The following CACNA2D1 variants were observed in gnomAD, a reference collection of about 807,000 sequenced individuals.
CACNA2D1 encodes the protein voltage-dependent calcium channel subunit alpha-2/delta-1.
A neutral mutation model predicts 171.5 loss-of-function variants in CACNA2D1; 53 were observed. That is an observed-to-expected ratio of 0.31 (90% CI 0.25 to 0.39). The LOEUF is 0.39. Among genes scored for constraint, CACNA2D1 ranks in the 10% least tolerant of loss-of-function variants. CACNA2D1 has a pLI of 1.00. For missense variants in CACNA2D1, 903 were observed against 1,299.8 expected (o/e 0.69, Z 4.69); for synonymous variants, 442 against 443.1 (o/e 1.00, Z 0.03).
At chr7:82,357,861 TA>T (rs58172656) in intron 1 of CACNA2D1, among the ~76,000 whole-genome samples, 3,402 of 118,016 alleles carry the variant, frequency 0.029, 91 homozygotes, top group African/African-American at 0.081. Flanking sequence ...TAAAGTATAA[TA>T]AAAAAAAAAA....
Position 82,067,048 on chromosome 7 carries a change from A to T in CACNA2D1, c.659-524T>A, listed in dbSNP as rs187931297. Among the ~76,000 whole-genome samples, 556 of 152,270 alleles carry T rather than the reference A, an allele frequency of 3.7e-3. 5 individuals are homozygous for T. Among genetic ancestry groups the T allele is most frequent in the African/African-American group, 0.013 (527 of 41,576 alleles). The stretch of plus-strand genomic sequence containing the variant: ...CTCCATAGAAAGCTGTTTTCTTTAA[A>T]TTTATTGTAATGATGTGAAGTAATT... On this transcript the variant is annotated intron_variant, in intron 7 of 38. Coordinates refer to ENST00000356860, the MANE Select transcript of CACNA2D1 (RefSeq NM_000722.4).
intron 20 of CACNA2D1, 78 bp from the exon 21 acceptor site, chr7:81,991,324 A>G: frequency 1.3e-6 from 1 of 788,126 alleles, no homozygotes; most frequent in South Asian, 1.4e-5. Flanking sequence ...CGTAGAATTT[A>G]CTTATAAATT....
chr7:82,295,869 A>T (rs539195635), intron 3 of CACNA2D1, among the ~76,000 whole-genome samples: 25 of 152,220 alleles, frequency 1.6e-4, no homozygotes, highest in Middle Eastern at 3.4e-3. Flanking sequence ...CAAATGTCCA[A>T]CAATGATAGA....
intron 6 of CACNA2D1, among the ~76,000 whole-genome samples, chr7:82,110,777 T>C (rs977172817): frequency 2.0e-5 from 3 of 152,186 alleles, no homozygotes; most frequent in African/African-American, 7.2e-5. Flanking sequence ...AATTACAAAA[T>C]TGCCTTAGCC....
chr7:82,389,653 A>G lies in CACNA2D1; in HGVS notation c.96-40004T>C, dbSNP rs1824867734. Reference sequence around the variant, plus strand: ...TCGATGCCTCATTCTTACTTGATGTATGACCATAGAAATTCCCCATCTCTA... The same window carrying G: ...TCGATGCCTCATTCTTACTTGATGTGTGACCATAGAAATTCCCCATCTCTA... On this transcript the variant is annotated intron_variant, in intron 1 of 38. Coordinates refer to ENST00000356860, the MANE Select transcript of CACNA2D1 (RefSeq NM_000722.4). Among the ~76,000 whole-genome samples, 3 of 152,138 alleles carry G rather than the reference A, an allele frequency of 2.0e-5. No homozygotes were observed. The South Asian group carries it at 6.2e-4, about 32-fold the overall frequency.
chr7:81,970,810 A>G (rs1313249407), intron 26 of CACNA2D1, 73 bp from the exon 27 acceptor site: 1 of 855,706 alleles, frequency 1.2e-6, no homozygotes, highest in African/African-American at 1.7e-5. Context: ...TGTTGGTGAT[A>G]CAAAGAGAAG....
At chr7:82,379,429 T>C (rs1237759065) in intron 1 of CACNA2D1, among the ~76,000 whole-genome samples, 1 of 152,250 alleles carries the variant, frequency 6.6e-6, no homozygotes, top group Non-Finnish European at 1.5e-5. Flanking sequence ...AGAAATATTT[T>C]AACAAATACA....
chr7:82,238,662 C>A (rs1386003072), intron 3 of CACNA2D1, among the ~76,000 whole-genome samples: 3 of 152,052 alleles, frequency 2.0e-5, no homozygotes, highest in Admixed American at 6.6e-5. Context: ...AGTAACTGAT[C>A]TATTTGCAAG....
intron 38 of CACNA2D1, among the ~76,000 whole-genome samples, chr7:81,951,822 A>C (rs910898015): frequency 5.9e-5 from 9 of 152,066 alleles, no homozygotes; most frequent in Admixed American, 5.3e-4. Context: ...TCTTTTTCAT[A>C]AAATGACTTC....
At chr7:82,067,255 A>G (rs1224747188) in intron 7 of CACNA2D1, among the ~76,000 whole-genome samples, 2 of 152,130 alleles carry the variant, frequency 1.3e-5, no homozygotes, top group Non-Finnish European at 2.9e-5. Flanking sequence ...CACACCTTAG[A>G]CCTAATGAAA....
At chr7:82,356,984 A>G (rs1458025025) in intron 1 of CACNA2D1, among the ~76,000 whole-genome samples, 1 of 152,202 alleles carries the variant, frequency 6.6e-6, no homozygotes, top group East Asian at 1.9e-4. Flanking sequence ...TACAAATTCA[A>G]TAAAATTTGA....
intron 3 of CACNA2D1, among the ~76,000 whole-genome samples, chr7:82,285,329 T>C (rs2129383943): frequency 6.6e-6 from 1 of 152,138 alleles, no homozygotes; most frequent in South Asian, 2.1e-4. Flanking sequence ...CCCAAATCCT[T>C]TGAACCCCCT....
intron 20 of CACNA2D1, among the ~76,000 whole-genome samples, chr7:81,993,348 T>C (rs1472269524): frequency 1.3e-5 from 2 of 152,174 alleles, no homozygotes; most frequent in African/African-American, 4.8e-5. Context: ...TGGAGATTCC[T>C]AGCTCATCAA....
chr7:82,245,114 C>T (rs540980519), intron 3 of CACNA2D1, among the ~76,000 whole-genome samples: 1 of 152,288 alleles, frequency 6.6e-6, no homozygotes, highest in East Asian at 1.9e-4. Flanking sequence ...GATTTTCTAA[C>T]AAAGCATAAA....
intron 37 of CACNA2D1, 32 bp downstream of exon 37, chr7:81,959,688 C>T: frequency 6.3e-7 from 1 of 1,598,670 alleles, no homozygotes; most frequent in African/African-American, 1.3e-5. Flanking sequence ...AGATGGTTTT[C>T]CTTTCCAGAT....
chr7:82,045,915 C>T (rs577579803), intron 10 of CACNA2D1, among the ~76,000 whole-genome samples: 9 of 152,062 alleles, frequency 5.9e-5, no homozygotes, highest in Admixed American at 1.3e-4. Flanking sequence ...AATTCCCTGA[C>T]GCACTTTTCT....
chr7:82,266,942 C>T (rs1246663096), intron 3 of CACNA2D1, among the ~76,000 whole-genome samples: 1 of 152,184 alleles, frequency 6.6e-6, no homozygotes, highest in Non-Finnish European at 1.5e-5. Context: ...ATATCCATTT[C>T]AATCACAGGA....
intron 12 of CACNA2D1, among the ~76,000 whole-genome samples, chr7:82,018,990 TGGGGTG>T (rs1003645132): frequency 1.3e-3 from 9 of 7,150 alleles, no homozygotes; most frequent in African/African-American, 6.4e-3. Context: ...TCTGTCTTGG[TGGGGTG>T]GGGGTGGGGT....
chr7:82,163,377 T>C (rs1285418499), intron 4 of CACNA2D1, among the ~76,000 whole-genome samples: 1 of 152,042 alleles, frequency 6.6e-6, no homozygotes, highest in Non-Finnish European at 1.5e-5. Context: ...TAACAATATA[T>C]GTTTGGAGAT....
Sources: gnomAD v4.1 joint callset for allele counts (sites outside exome capture counted in the v4.1 genomes callset) on GRCh38, gnomAD v4.1.1 for gene constraint, MANE v1.5 for transcripts, NCBI Gene and HGNC (gene_info 2026-07-23, HGNC 2026-07-21) for gene names.